The following SWAP70 variants were observed in gnomAD, a reference collection of about 807,000 sequenced individuals.
The protein encoded by SWAP70 is switch-associated protein 70.
SWAP70 carries 34 observed loss-of-function variants against 80.2 expected under a neutral mutation model. That is an observed-to-expected ratio of 0.42 (90% CI 0.32 to 0.56). The LOEUF (loss-of-function observed/expected upper bound fraction) is 0.56, where lower values mean the gene tolerates loss of function less well. Ranked by LOEUF, SWAP70 falls within the 20% of genes least tolerant of loss-of-function variation. The pLI is 0.09. For missense variants in SWAP70, 578 were observed against 690.7 expected, an observed-to-expected ratio of 0.84 and a Z score of 1.83; for synonymous variants, 239 against 238.5, an observed-to-expected ratio of 1.00 and a Z score of -0.02.
At chr11:9,718,285 G>T (rs529494564) in intron 3 of SWAP70, among the ~76,000 whole-genome samples, 1 of 152,322 alleles carries the variant, frequency 6.6e-6, no homozygotes, top group East Asian at 1.9e-4. Context: ...AGTAGAATTT[G>T]AGTTAGTTTT....
chr11:9,694,493 T>C (rs1850731429), intron 2 of SWAP70, among the ~76,000 whole-genome samples: 1 of 152,192 alleles, frequency 6.6e-6, no homozygotes, highest in Non-Finnish European at 1.5e-5. Flanking sequence ...TTGATGTTTT[T>C]CCAACTTGGT....
chr11:9,694,433 T>G, intron 2 of SWAP70, 147 bp downstream of exon 2: 2 of 939,832 alleles, frequency 2.1e-6, no homozygotes, highest in South Asian at 4.5e-5. Context: ...AATGAGAGAC[T>G]GACAGTGCTT....
rs1035510868 is a variant in SWAP70, at chr11:9,751,048, T to A, written c.*1078T>A. ...TATATGCCAGGCTGTGAGAGGATTA[T>A]ACTGAGTAGTAGAAAGAAGCTAATT... is the stretch of plus-strand genomic sequence containing the variant. On this transcript the variant is annotated 3_prime_UTR_variant, in exon 12 of 12. Coordinates refer to ENST00000318950, the MANE Select transcript of SWAP70 (RefSeq NM_015055.4). 2.0e-5 allele frequency: 3 copies of A among 152,244 alleles called. No individual in the cohort carries two copies. Among genetic ancestry groups the A allele is most frequent in the Non-Finnish European group, 4.4e-5 (3 of 68,032 alleles). 9.4% of individuals were successfully genotyped at this position (152,244 alleles called of 1,614,324 possible).
intron 2 of SWAP70, among the ~76,000 whole-genome samples, chr11:9,695,686 C>T (rs1288685289): frequency 2.0e-5 from 3 of 151,878 alleles, no homozygotes; most frequent in African/African-American, 7.3e-5. Context: ...CACCACAGCA[C>T]ACGTACACTT....
intron 2 of SWAP70, among the ~76,000 whole-genome samples, chr11:9,695,703 C>A (rs1425796560): frequency 6.6e-6 from 1 of 151,928 alleles, no homozygotes; most frequent in African/African-American, 2.4e-5. Flanking sequence ...ACTTATGTAA[C>A]AAACCTGCAC....
chr11:9,742,969 T>C (rs1164675098), intron 9 of SWAP70, among the ~76,000 whole-genome samples: 1 of 150,836 alleles, frequency 6.6e-6, no homozygotes, highest in Non-Finnish European at 1.5e-5. Flanking sequence ...TACATATGTA[T>C]ACATGTGCCA....
rs773950742 is a variant in SWAP70, at chr11:9,726,085, TTTC to T, written c.642+1206_642+1208del. 4.4e-4 allele frequency among the ~76,000 whole-genome samples: 67 copies of T among 152,330 alleles called. 1 individual carries two copies. The highest frequency in any genetic ancestry group is 1.5e-3 in the African/African-American group (62 of 41,574). On this transcript the variant is annotated intron_variant, in intron 4 of 11. Transcript: ENST00000318950. ...AGATTGTGGGATTTTGGTGAATTTT[TTTC>T]TTCTTTATTCCTTTCTGTATTATTG...
At chr11:9,745,097 G>A (rs889383073) in intron 9 of SWAP70, among the ~76,000 whole-genome samples, 16 of 152,102 alleles carry the variant, frequency 1.1e-4, no homozygotes, top group African/African-American at 3.1e-4. Context: ...GATCCAATGG[G>A]ACCACATGGA....
intron 6 of SWAP70, 58 bp from the exon 7 acceptor site, chr11:9,732,471 G>T: frequency 6.6e-7 from 1 of 1,507,312 alleles, no homozygotes; most frequent in Non-Finnish European, 9.0e-7. Context: ...TGCATAGTAG[G>T]CTTACAAAGA....
At chr11:9,712,279 C>T (rs891227435) in intron 2 of SWAP70, among the ~76,000 whole-genome samples, 4 of 152,090 alleles carry the variant, frequency 2.6e-5, no homozygotes, top group African/African-American at 9.7e-5. Flanking sequence ...TTTTATTTGT[C>T]AAATGAGTGA....
In SWAP70 at chr11:9,671,103, A is replaced by G. The variant is rs540108870; in HGVS notation, c.99+6825A>G. On this transcript the variant is annotated intron_variant, in intron 1 of 11. Transcript: ENST00000318950. Reference sequence around the variant, plus strand: ...TATAAATATAAATATATATAAATATATAAATATAAAAATATATATAAATAT... The same window carrying G: ...TATAAATATAAATATATATAAATATGTAAATATAAAAATATATATAAATAT... 3.2e-3 allele frequency among the ~76,000 whole-genome samples: 440 copies of G among 137,988 alleles called. 3 individuals carry two copies. The highest frequency in any genetic ancestry group is 0.011 in the African/African-American group (406 of 35,980). The allele number at this position is 137,988 out of a possible 152,430, so 90.5% of individuals were successfully genotyped here. A position where few individuals can be genotyped will look rare whatever the true frequency, so the allele number is the denominator to read the frequency against.
chr11:9,716,499 A>G (rs995178901), intron 3 of SWAP70, among the ~76,000 whole-genome samples: 78 of 152,012 alleles, frequency 5.1e-4, no homozygotes, highest in African/African-American at 1.8e-3. Context: ...CAAATTACTC[A>G]CTCTCTCTGT....
intron 7 of SWAP70, among the ~76,000 whole-genome samples, chr11:9,733,258 G>C (rs1261153386): frequency 6.6e-6 from 1 of 152,186 alleles, no homozygotes; most frequent in African/African-American, 2.4e-5. Context: ...GTTATGTCGT[G>C]ATCCCAGGGG....
chr11:9,739,408 C>T (rs564917881), intron 8 of SWAP70, among the ~76,000 whole-genome samples: 27 of 152,318 alleles, frequency 1.8e-4, no homozygotes, highest in Middle Eastern at 3.4e-3. Flanking sequence ...GTCTTGTTTC[C>T]TCTCTGGTCC....
At chr11:9,668,063 AT>A (rs1341385164) in intron 1 of SWAP70, among the ~76,000 whole-genome samples, 1 of 151,966 alleles carries the variant, frequency 6.6e-6, no homozygotes, top group Non-Finnish European at 1.5e-5. Context: ...TAATTTTTGT[AT>A]TTTTAGTAGA....
chr11:9,704,483 C>T (rs577352152), intron 2 of SWAP70, among the ~76,000 whole-genome samples: 1 of 152,170 alleles, frequency 6.6e-6, no homozygotes, highest in Non-Finnish European at 1.5e-5. Context: ...CAACCTCCAC[C>T]TCCCGGGTTC....
At chr11:9,697,805 A>G (rs892852) in intron 2 of SWAP70, among the ~76,000 whole-genome samples, 102,113 of 151,974 alleles carry the variant, frequency 0.67, 34,637 homozygotes, top group South Asian at 0.85. Context: ...TTTTGAGACA[A>G]TGTCTTGCTC....
intron 1 of SWAP70, among the ~76,000 whole-genome samples, chr11:9,686,908 T>C: frequency 6.6e-6 from 1 of 152,208 alleles, no homozygotes; most frequent in Non-Finnish European, 1.5e-5. Context: ...TCAGTAGTAC[T>C]GAAGTTGAGA....
At chr11:9,696,109 TC>T (rs1323075641) in intron 2 of SWAP70, among the ~76,000 whole-genome samples, 1 of 152,208 alleles carries the variant, frequency 6.6e-6, no homozygotes, top group Non-Finnish European at 1.5e-5. Context: ...CCAACTCTTA[TC>T]CCAGACTTTT....
Sources: allele counts gnomAD v4.1 joint callset (sites outside exome capture counted in the v4.1 genomes callset), GRCh38; gene constraint gnomAD v4.1.1; transcripts MANE v1.5; gene names NCBI Gene and HGNC (gene_info 2026-07-23, HGNC 2026-07-21).